MAPK8: variants seen among roughly 807,000 people sequenced by gnomAD.
MAPK8 encodes the protein JUN N-terminal kinase.
In MAPK8, 13 loss-of-function variants were observed where a neutral mutation model predicts 52.9. The observed-to-expected ratio is 0.25, with a 90% CI of 0.16 to 0.39. The LOEUF (loss-of-function observed/expected upper bound fraction) is 0.39. Ranked by LOEUF, MAPK8 falls within the 10% of genes least tolerant of loss-of-function variation. The probability of loss-of-function intolerance (pLI) is 1.00; values close to 1 mark genes in which losing one functional copy is unlikely to be tolerated. For synonymous variants in MAPK8, 191 were observed against 169.8 expected, an observed-to-expected ratio of 1.12 and a Z score of -0.97; for missense variants, 300 against 519.2, an observed-to-expected ratio of 0.58 and a Z score of 4.10.
At chr10:48,409,093 T>G (rs1480852670) in intron 3 of MAPK8, among the ~76,000 whole-genome samples, 1 of 152,044 alleles carries the variant, frequency 6.6e-6, no homozygotes, top group African/African-American at 2.4e-5. Flanking sequence ...GTGTGGGGTG[T>G]GTGTGTGAGG....
intron 1 of MAPK8, among the ~76,000 whole-genome samples, chr10:48,349,433 G>A (rs1846093204): frequency 6.6e-6 from 1 of 152,176 alleles, no homozygotes; most frequent in African/African-American, 2.4e-5. Flanking sequence ...TCAGACCACA[G>A]TGCAAACAAA....
chr10:48,371,401 C>G (rs896187084), intron 1 of MAPK8, among the ~76,000 whole-genome samples: 2 of 152,014 alleles, frequency 1.3e-5, no homozygotes, highest in African/African-American at 4.8e-5. Flanking sequence ...TTGTGTTTTT[C>G]AAGGCCTTCT....
At chr10:48,400,935 A>G (rs1459626790) in intron 1 of MAPK8, among the ~76,000 whole-genome samples, 1 of 150,366 alleles carries the variant, frequency 6.7e-6, no homozygotes, top group Non-Finnish European at 1.5e-5. Context: ...CAGGCAGGAT[A>G]GAATAGTATT....
At chr10:48,328,045 G>A (rs1843705987) in intron 1 of MAPK8, among the ~76,000 whole-genome samples, 1 of 152,010 alleles carries the variant, frequency 6.6e-6, no homozygotes, top group Non-Finnish European at 1.5e-5. Context: ...GAGACAAAGA[G>A]TCTCACTGTC....
At chr10:48,335,252 G>A (rs1371843958) in intron 1 of MAPK8, among the ~76,000 whole-genome samples, 1 of 151,988 alleles carries the variant, frequency 6.6e-6, no homozygotes, top group Non-Finnish European at 1.5e-5. Context: ...AGTTAATCAT[G>A]CAGTGGAAGT....
intron 1 of MAPK8, among the ~76,000 whole-genome samples, chr10:48,311,975 A>G (rs1842023912): frequency 6.6e-6 from 1 of 152,240 alleles, no homozygotes; most frequent in Non-Finnish European, 1.5e-5. Context: ...CAGTGAGCTG[A>G]GTATAATTTG....
At chr10:48,385,695 AT>A (rs1227942722) in intron 1 of MAPK8, among the ~76,000 whole-genome samples, 1 of 152,076 alleles carries the variant, frequency 6.6e-6, no homozygotes, top group African/African-American at 2.4e-5. Context: ...AATTCAAGCT[AT>A]TTCTAGAGAT....
At chr10:48,409,741 A>G (rs901493733) in intron 3 of MAPK8, 138 bp from the exon 4 acceptor site, 1 of 643,314 alleles carries the variant, frequency 1.6e-6, no homozygotes, top group Non-Finnish European at 2.7e-6. Context: ...ATAAAATGAA[A>G]GCAATTAACT....
intron 5 of MAPK8, among the ~76,000 whole-genome samples, chr10:48,416,159 C>T (rs1353752938): frequency 6.6e-6 from 1 of 152,164 alleles, no homozygotes; most frequent in African/African-American, 2.4e-5. Flanking sequence ...GTAAAATAAC[C>T]TGACCTTTCA....
chr10:48,319,900 T>C (rs1046592973), intron 1 of MAPK8, among the ~76,000 whole-genome samples: 4 of 152,028 alleles, frequency 2.6e-5, no homozygotes, highest in Non-Finnish European at 5.9e-5. Flanking sequence ...GTATCAGTAC[T>C]TCGTTTCTGT....
chr10:48,330,565 A>G (rs7072515), intron 1 of MAPK8, among the ~76,000 whole-genome samples: 76,686 of 152,044 alleles, frequency 0.5, 19,948 homozygotes, highest in Middle Eastern at 0.72. Context: ...GTCCAAACCC[A>G]ATGAATGGAC....
At chr10:48,406,325 C>T (rs1302691323) in intron 3 of MAPK8, among the ~76,000 whole-genome samples, 4 of 152,204 alleles carry the variant, frequency 2.6e-5, no homozygotes, top group African/African-American at 7.2e-5. Context: ...TAGAGCTGCT[C>T]GTGCCCCTTG....
chr10:48,338,667 A>T (rs1429469107), intron 1 of MAPK8, among the ~76,000 whole-genome samples: 1 of 152,082 alleles, frequency 6.6e-6, no homozygotes, highest in East Asian at 1.9e-4. Context: ...TCCTGTACCT[A>T]AAAAAACCCT....
intron 1 of MAPK8, among the ~76,000 whole-genome samples, chr10:48,315,240 C>G (rs1842377301): frequency 1.3e-5 from 2 of 152,162 alleles, no homozygotes; most frequent in African/African-American, 4.8e-5. Context: ...GTTGGAATCA[C>G]TTTTTTTATT....
At chr10:48,415,062 C>T (rs2042990117) in intron 5 of MAPK8, among the ~76,000 whole-genome samples, 1 of 151,930 alleles carries the variant, frequency 6.6e-6, no homozygotes, top group Admixed American at 6.6e-5. Context: ...ACAGGCTTAT[C>T]CTTAATTATC....
intron 1 of MAPK8, among the ~76,000 whole-genome samples, chr10:48,365,767 AT>A (rs1211313010): frequency 6.6e-6 from 1 of 152,164 alleles, no homozygotes; most frequent in Non-Finnish European, 1.5e-5. Flanking sequence ...TATTTTAGAT[AT>A]GAGTATAAGG....
At chr10:48,383,669 G>A (rs1461087000) in intron 1 of MAPK8, among the ~76,000 whole-genome samples, 2 of 151,690 alleles carry the variant, frequency 1.3e-5, no homozygotes, top group Non-Finnish European at 2.9e-5. Flanking sequence ...TATCATCAGT[G>A]CCATTCATTA....
intron 5 of MAPK8, among the ~76,000 whole-genome samples, chr10:48,414,050 C>T (rs2042929673): frequency 6.6e-6 from 1 of 151,568 alleles, no homozygotes; most frequent in African/African-American, 2.4e-5. Context: ...CACATCCACT[C>T]ATCTTTATTT....
chr10:48,404,323 A>AT (rs960638741), intron 2 of MAPK8, among the ~76,000 whole-genome samples: 13 of 150,952 alleles, frequency 8.6e-5, no homozygotes, highest in African/African-American at 2.9e-4. Context: ...CACCCAGCTA[A>AT]TTTTTTTGTA....
Sources: gnomAD v4.1 joint callset for allele counts (sites outside exome capture counted in the v4.1 genomes callset) on GRCh38, gnomAD v4.1.1 for gene constraint, MANE v1.5 for transcripts, NCBI Gene and HGNC (gene_info 2026-07-23, HGNC 2026-07-21) for gene names.